Variants in PRKCI observed in about 807,000 individuals in gnomAD.
The protein encoded by PRKCI is protein kinase C iota, also known as protein kinase C iota type.
In PRKCI, 43 loss-of-function variants were observed where a neutral mutation model predicts 84.0. The observed-to-expected ratio is 0.51, with a 90% CI of 0.40 to 0.66. The LOEUF (loss-of-function observed/expected upper bound fraction) is 0.66, where lower values mean the gene tolerates loss of function less well. PRKCI is among the 30% of genes least tolerant of loss of function. The pLI is 0.00. For missense variants in PRKCI, 459 were observed against 745.6 expected, an observed-to-expected ratio of 0.62 and a Z score of 4.48; for synonymous variants, 216 against 234.4, an observed-to-expected ratio of 0.92 and a Z score of 0.72.
rs1734612578 is a variant in PRKCI at position 170,293,369 on chromosome 3, A to G, written c.1292-14A>G. 6.3e-7 allele frequency: 1 copy of G among 1,598,212 alleles called. No individual in the cohort carries two copies. Reference sequence around the variant, plus strand: ...AAAGTGTATAATTTATTGCTTTAAAATTTCTTTCTGAAGGTTTCAGTGTTG... The same window carrying G: ...AAAGTGTATAATTTATTGCTTTAAAGTTTCTTTCTGAAGGTTTCAGTGTTG... On this transcript the variant is annotated splice_polypyrimidine_tract_variant and intron_variant, in intron 13 of 17. Coordinates refer to ENST00000295797, the MANE Select transcript of PRKCI (RefSeq NM_002740.6).
At chr3:170,287,407 T>C (rs1352465654) in intron 12 of PRKCI, among the ~76,000 whole-genome samples, 1 of 151,864 alleles carries the variant, frequency 6.6e-6, no homozygotes, top group Admixed American at 6.6e-5. Flanking sequence ...AGTCTTAACA[T>C]ATAGAATTGT....
chr3:170,244,230 G>A (rs557866093), intron 2 of PRKCI, among the ~76,000 whole-genome samples: 1 of 152,128 alleles, frequency 6.6e-6, no homozygotes, highest in Non-Finnish European at 1.5e-5. Context: ...GTTGCCAGAG[G>A]AATCAACCAT....
chr3:170,279,111 T>A lies in PRKCI; in HGVS notation c.706-1116T>A, dbSNP rs914537874. Reference sequence around the variant, plus strand: ...GGCACAATCACAGCTCACTGCAACCTTGACCTGCCTGGCTCAGGTGATCCT... The same window carrying A: ...GGCACAATCACAGCTCACTGCAACCATGACCTGCCTGGCTCAGGTGATCCT... On this transcript the variant is annotated intron_variant, in intron 8 of 17. Transcript: ENST00000295797. Among the ~76,000 whole-genome samples the A allele has an allele frequency of 3.3e-5, 5 of 152,322 alleles. No homozygotes were observed. In the East Asian group the frequency reaches 9.6e-4, roughly 29 times the overall value.
intron 2 of PRKCI, among the ~76,000 whole-genome samples, chr3:170,245,042 GGGAGGGGAATGCAAAACAGTTGTTCTC>G (rs974401417): frequency 2.0e-5 from 3 of 151,872 alleles, no homozygotes; most frequent in African/African-American, 4.8e-5. Flanking sequence ...TGGTCTTACT[GGGAGGGGAATGCAAAACAGTTGTTCTC>G]GGTGGGTCTG....
intron 2 of PRKCI, among the ~76,000 whole-genome samples, chr3:170,256,573 C>G (rs947994480): frequency 6.6e-6 from 1 of 151,798 alleles, no homozygotes; most frequent in African/African-American, 2.4e-5. Flanking sequence ...TATTTTTAGT[C>G]CGGTTAAAGG....
At chr3:170,286,115 C>CG (rs1158311106) in intron 12 of PRKCI, among the ~76,000 whole-genome samples, 1 of 151,214 alleles carries the variant, frequency 6.6e-6, no homozygotes, top group Non-Finnish European at 1.5e-5. Flanking sequence ...TTAGTAGAGA[C>CG]GGGGTTTCAC....
chr3:170,267,793 G>T, intron 4 of PRKCI, 122 bp from the exon 5 acceptor site: 1 of 612,394 alleles, frequency 1.6e-6, no homozygotes, highest in Non-Finnish European at 2.7e-6. Context: ...TGACGTTCAG[G>T]TTTTTATCAG....
At chr3:170,238,426 T>G (rs990460193) in intron 2 of PRKCI, among the ~76,000 whole-genome samples, 3 of 151,436 alleles carry the variant, frequency 2.0e-5, no homozygotes, top group African/African-American at 7.3e-5. Flanking sequence ...GCGCTGGACA[T>G]TTTTTCATTT....
chr3:170,229,136 T>C (rs1732718466), intron 1 of PRKCI, among the ~76,000 whole-genome samples: 1 of 152,152 alleles, frequency 6.6e-6, no homozygotes, highest in African/African-American at 2.4e-5. Flanking sequence ...CATATCGGTA[T>C]ATTTATAAGT....
intron 5 of PRKCI, among the ~76,000 whole-genome samples, 173 bp from the exon 6 acceptor site, chr3:170,270,248 C>T (rs571652451): frequency 3.3e-5 from 5 of 152,266 alleles, no homozygotes; most frequent in Non-Finnish European, 7.4e-5. Flanking sequence ...TTTTCGCTGA[C>T]CTTCATAGCT....
chr3:170,270,070 A>C (rs1471103363), intron 5 of PRKCI, among the ~76,000 whole-genome samples: 1 of 152,150 alleles, frequency 6.6e-6, no homozygotes. Flanking sequence ...AACAGCCTGC[A>C]AGGTTTATGT....
intron 3 of PRKCI, among the ~76,000 whole-genome samples, chr3:170,260,473 T>G (rs924306017): frequency 3.3e-5 from 5 of 152,224 alleles, no homozygotes; most frequent in Admixed American, 6.5e-5. Context: ...ACATGATTCC[T>G]TTATTTTTGA....
intron 1 of PRKCI, among the ~76,000 whole-genome samples, chr3:170,234,931 CCTCTGG>C (rs1553835756): frequency 2.0e-5 from 3 of 151,984 alleles, no homozygotes; most frequent in Non-Finnish European, 1.5e-5. Context: ...CCCACCTCAG[CCTCTGG>C]CTAATTTTTT....
intron 4 of PRKCI, among the ~76,000 whole-genome samples, chr3:170,266,976 G>C (rs1415452389): frequency 6.6e-6 from 1 of 152,178 alleles, no homozygotes; most frequent in African/African-American, 2.4e-5. Flanking sequence ...CTGGGTGATG[G>C]AGTGAGACTG....
intron 4 of PRKCI, among the ~76,000 whole-genome samples, chr3:170,263,880 G>A (rs1324060230): frequency 6.6e-6 from 1 of 151,988 alleles, no homozygotes; most frequent in African/African-American, 2.4e-5. Context: ...ATATATTAGT[G>A]ACTGCCCAAA....
chr3:170,268,684 T>C (rs930328867), intron 5 of PRKCI, among the ~76,000 whole-genome samples: 3 of 152,188 alleles, frequency 2.0e-5, no homozygotes, highest in South Asian at 2.1e-4. Context: ...CAAACACTTA[T>C]CTGGGTTGTA....
At chr3:170,232,629 C>G (rs1431339521) in intron 1 of PRKCI, among the ~76,000 whole-genome samples, 1 of 151,340 alleles carries the variant, frequency 6.6e-6, no homozygotes, top group Non-Finnish European at 1.5e-5. Context: ...TCCAATGGCT[C>G]GATCATGGCT....
At chr3:170,234,108 T>G (rs538230471) in intron 1 of PRKCI, among the ~76,000 whole-genome samples, 1 of 148,464 alleles carries the variant, frequency 6.7e-6, no homozygotes. Context: ...ATTGGTTCAC[T>G]GCAATCTCCG....
At position 170,303,778 on chromosome 3, in the gene PRKCI, C is replaced by A; in HGVS notation, c.*651C>A. 5.1e-6 allele frequency: 1 copy of A among 195,502 alleles called. No homozygotes were observed. The highest frequency in any genetic ancestry group is 1.1e-5 in the Non-Finnish European group (1 of 93,964). 12.1% of individuals were successfully genotyped at this position (195,502 alleles called of 1,614,324 possible). A position where few individuals can be genotyped will look rare whatever the true frequency, so the allele number is the denominator to read the frequency against. On this transcript the variant is annotated 3_prime_UTR_variant, in exon 18 of 18. Transcript: ENST00000295797. ...TTGGGAGGTTGAGGCGGGCAGATCA[C>A]TTGAGGTCAGGAGTTTGAGATTGGC...
Sources: gnomAD v4.1 joint callset for allele counts (sites outside exome capture counted in the v4.1 genomes callset) on GRCh38, gnomAD v4.1.1 for gene constraint, MANE v1.5 for transcripts, NCBI Gene and HGNC (gene_info 2026-07-23, HGNC 2026-07-21) for gene names.